Variants in ZNF705A observed in about 807,000 individuals in gnomAD.
ZNF705A encodes zinc finger protein 705A.
A neutral mutation model predicts 16.6 loss-of-function variants in ZNF705A; 8 were observed. The ratio of observed to expected loss-of-function variants is 0.48; its 90% CI spans 0.28 to 0.87. The LOEUF is 0.87. ZNF705A is among the 40% of genes least tolerant of loss of function. The pLI is 0.10. For missense variants in ZNF705A, 233 were observed against 359.9 expected, an observed-to-expected ratio of 0.65 and a Z score of 2.85; for synonymous variants, 73 against 117.3, an observed-to-expected ratio of 0.62 and a Z score of 2.44.
At chr12:8,172,162 G>C (rs1205080210), upstream of ZNF705A, among the ~76,000 whole-genome samples, 1 of 151,810 alleles carries the variant, frequency 6.6e-6, no homozygotes, top group African/African-American at 2.4e-5. Context: ...AACATTGCTA[G>C]GGCATAAAGC....
chr12:8,160,487 T>C (rs778776584), intron 1 of ZNF705A, among the ~76,000 whole-genome samples: 1 of 152,142 alleles, frequency 6.6e-6, no homozygotes, highest in Non-Finnish European at 1.5e-5. Context: ...TTGTATCATC[T>C]ATAATTTCTT....
chr12:8,160,230 T>C (rs1289177858), intron 1 of ZNF705A, among the ~76,000 whole-genome samples: 1 of 152,186 alleles, frequency 6.6e-6, no homozygotes, highest in Middle Eastern at 3.2e-3. Flanking sequence ...ACTATGACCT[T>C]ATAATATATT....
At chr12:8,169,451 G>A (rs1474400510), upstream of ZNF705A, among the ~76,000 whole-genome samples, 1 of 152,124 alleles carries the variant, frequency 6.6e-6, no homozygotes, top group Non-Finnish European at 1.5e-5. Flanking sequence ...ATATATATTC[G>A]TTTTGGTTTC....
intron 1 of ZNF705A, among the ~76,000 whole-genome samples, chr12:8,160,093 C>G (rs1473440686): frequency 6.6e-6 from 1 of 151,992 alleles, no homozygotes; most frequent in Non-Finnish European, 1.5e-5. Context: ...TCTTTCCCCA[C>G]TTTATGTTTT....
At chr12:8,175,732 T>C in intron 3 of ZNF705A, 128 bp from the exon 5 acceptor site, 1 of 1,328,792 alleles carries the variant, frequency 7.5e-7, no homozygotes, top group South Asian at 1.3e-5. Context: ...TTCAAGTAGT[T>C]TCTTCATTTG....
In ZNF705A at chr12:8,177,436, A is replaced by G. The variant is rs747799815; in HGVS notation, c.756A>G (p.Gly252=). The change falls in exon 5 of 5, where the codon GGA becomes GGG. Residue 252 remains glycine, a synonymous_variant. Coordinates refer to ENST00000359286, the Ensembl canonical transcript of ZNF705A. ...GAAGACATGAGAGAACTCACCTTGG[A>G]AAAAAGTGTTATGAATGTGATAAAA... 19 of 1,612,034 alleles carry G rather than the reference A, an allele frequency of 1.2e-5. No individual in the cohort carries two copies. The East Asian group carries it at 3.3e-4, about 28-fold the overall frequency.
upstream of ZNF705A, among the ~76,000 whole-genome samples, chr12:8,168,492 T>C (rs772059290): frequency 6.6e-6 from 1 of 152,384 alleles, no homozygotes; most frequent in East Asian, 1.9e-4. Context: ...GCCTTTTCCA[T>C]TTTTGTTTTG....
At chr12:8,163,272 T>A (rs897723366) in intron 1 of ZNF705A, among the ~76,000 whole-genome samples, 1 of 152,086 alleles carries the variant, frequency 6.6e-6, no homozygotes, top group African/African-American at 2.4e-5. Flanking sequence ...ACTGGGAGGG[T>A]TACTTTGCAA....
exon 5 of ZNF705A, chr12:8,178,773 T>C (rs1358187795): frequency 2.0e-5 from 3 of 152,266 alleles, no homozygotes; most frequent in Non-Finnish European, 2.9e-5. Context: ...AAACTTAGTA[T>C]GTTGGCGAAG....
upstream of ZNF705A, among the ~76,000 whole-genome samples, chr12:8,167,828 G>A (rs998383275): frequency 2.0e-5 from 3 of 152,328 alleles, no homozygotes; most frequent in African/African-American, 7.2e-5. Flanking sequence ...AAGTTTCAGA[G>A]CAGGAGTGGA....
At chr12:8,166,403 G>A (rs1329497247) in intron 1 of ZNF705A, among the ~76,000 whole-genome samples, 1 of 152,186 alleles carries the variant, frequency 6.6e-6, no homozygotes, top group East Asian at 1.9e-4. Context: ...GGGACCCAGT[G>A]GCGATAACTG....
At chr12:8,167,972 T>G (rs1948413848), upstream of ZNF705A, among the ~76,000 whole-genome samples, 1 of 152,218 alleles carries the variant, frequency 6.6e-6, no homozygotes, top group Non-Finnish European at 1.5e-5. Flanking sequence ...TTTGCCACTT[T>G]CCCATGATTC....
chr12:8,166,291 A>G (rs770211160), intron 1 of ZNF705A, among the ~76,000 whole-genome samples: 3 of 152,292 alleles, frequency 2.0e-5, no homozygotes, highest in Non-Finnish European at 4.4e-5. Flanking sequence ...TTTTCCATAC[A>G]TCTTTAGAGA....
At chr12:8,175,138 T>G in intron 2 of ZNF705A, 90 bp from the exon 4 acceptor site, 1 of 748,416 alleles carries the variant, frequency 1.3e-6, no homozygotes, top group Non-Finnish European at 2.2e-6. Flanking sequence ...TCACTGTTTT[T>G]ATTCTTCCTT....
intron 1 of ZNF705A, among the ~76,000 whole-genome samples, chr12:8,159,693 A>T (rs1247601649): frequency 6.6e-6 from 1 of 151,268 alleles, no homozygotes; most frequent in Non-Finnish European, 1.5e-5. Context: ...TTTCTTACTG[A>T]TTTGTTTGAG....
chr12:8,163,368 A>G (rs1020683171), intron 1 of ZNF705A, among the ~76,000 whole-genome samples: 1 of 152,144 alleles, frequency 6.6e-6, no homozygotes. Flanking sequence ...AAACTTTCTT[A>G]GTCTACATCT....
chr12:8,165,379 T>A (rs1948390097), intron 1 of ZNF705A, among the ~76,000 whole-genome samples: 1 of 147,786 alleles, frequency 6.8e-6, no homozygotes, highest in Admixed American at 6.8e-5. Flanking sequence ...ACCTCCCAGG[T>A]TCACACCATT....
chr12:8,158,635 C>T (rs781169643), intron 1 of ZNF705A, among the ~76,000 whole-genome samples: 23 of 151,836 alleles, frequency 1.5e-4, no homozygotes, highest in African/African-American at 5.3e-4. Context: ...ATATTTTTTC[C>T]CTTCTCTTGA....
chr12:8,177,820 T>G (rs1173094548), exon 5 of ZNF705A: 1 of 672,552 alleles, frequency 1.5e-6, no homozygotes, highest in Non-Finnish European at 2.4e-6. Context: ...GGACTCATAT[T>G]TTGAAGAAAT....
Sources: gnomAD v4.1 joint callset for allele counts (sites outside exome capture counted in the v4.1 genomes callset) on GRCh38, gnomAD v4.1.1 for gene constraint, MANE v1.5 for transcripts, NCBI Gene and HGNC (gene_info 2026-07-23, HGNC 2026-07-21) for gene names.